Variants in CCDC90B observed in about 807,000 individuals in gnomAD.
The protein encoded by CCDC90B is coiled-coil domain-containing protein 90B, mitochondrial.
Under a neutral mutation model 37.0 loss-of-function variants are expected in CCDC90B, and 24 were observed. The ratio of observed to expected loss-of-function variants is 0.65; its 90% confidence interval spans 0.47 to 0.91. The LOEUF is 0.91. CCDC90B is among the 40% of genes least tolerant of loss of function. The pLI, the probability that CCDC90B is intolerant of heterozygous loss-of-function variation, is 0.00. For synonymous variants in CCDC90B, 113 were observed against 101.1 expected (o/e 1.12, Z -0.71); for missense variants, 319 against 299.0 (o/e 1.07, Z -0.49).
At chr11:83,281,019 T>G (rs964005828) in intron 1 of CCDC90B, among the ~76,000 whole-genome samples, 1 of 152,216 alleles carries the variant, frequency 6.6e-6, no homozygotes, top group Admixed American at 6.5e-5. Flanking sequence ...CTAGACACAG[T>G]AAAGACCTTT....
At chr11:83,274,839 T>G in intron 3 of CCDC90B, 99 bp from the exon 4 acceptor site, 1 of 722,714 alleles carries the variant, frequency 1.4e-6, no homozygotes, top group Non-Finnish European at 2.3e-6. Flanking sequence ...GTTAACATGC[T>G]ACAAGGTATA....
At position 83,259,369 on chromosome 11, in the gene CCDC90B, TA is replaced by T. The variant is rs1169251836; in HGVS notation, c.*2541del. 1 of 152,200 alleles carries T rather than the reference TA, an allele frequency of 6.6e-6. No individual in the cohort carries two copies. Among genetic ancestry groups the T allele is most frequent in the Non-Finnish European group, 1.5e-5 (1 of 68,034 alleles). The allele number at this position is 152,200 out of a possible 1,614,324, so 9.4% of individuals were successfully genotyped here. Reference sequence around the variant, plus strand: ...AGTTTCATGGAAAGGATATAGGATCTAAAAGTAATGGGGACAGGGTATGGTA... The same window carrying T: ...AGTTTCATGGAAAGGATATAGGATCTAAAGTAATGGGGACAGGGTATGGTA... On this transcript the variant is annotated 3_prime_UTR_variant, in exon 9 of 9. Transcript: ENST00000529689.
At position 83,260,135 on chromosome 11, in the gene CCDC90B, G is replaced by A. The variant is rs1462490038; in HGVS notation, c.*1776C>T. Reference sequence around the variant, plus strand: ...GAGTGACGACAGTGTTATGCTACTGGAGCTTCCTTCACATGGAGGAAAGAC... The same window carrying A: ...GAGTGACGACAGTGTTATGCTACTGAAGCTTCCTTCACATGGAGGAAAGAC... On this transcript the variant is annotated 3_prime_UTR_variant, in exon 9 of 9. Coordinates refer to ENST00000529689, the MANE Select transcript of CCDC90B (RefSeq NM_021825.5). 1 of 152,162 alleles carries A rather than the reference G, an allele frequency of 6.6e-6. No homozygotes were observed. Among genetic ancestry groups the A allele is most frequent in the Admixed American group, 6.5e-5 (1 of 15,270 alleles). The allele number at this position is 152,162 out of a possible 1,614,324, so 9.4% of individuals were successfully genotyped here.
At chr11:83,274,111 T>C in intron 4 of CCDC90B, 119 bp from the exon 5 acceptor site, 1 of 628,584 alleles carries the variant, frequency 1.6e-6, no homozygotes, top group Non-Finnish European at 2.3e-6. Context: ...AATACAGAAT[T>C]GATAAGGAAA....
Position 83,260,637 on chromosome 11 carries a change from T to G in CCDC90B, c.*1274A>C, listed in dbSNP as rs1863886807. On this transcript the variant is annotated 3_prime_UTR_variant, in exon 9 of 9. Transcript: ENST00000529689. ...AGCTAAACAAATGACAAGGCTATTT[T>G]GAATAATGATTGTCAAACTTTTATA... 1 of 152,240 alleles carries G rather than the reference T, an allele frequency of 6.6e-6. No individual in the cohort carries two copies. Among genetic ancestry groups the G allele is most frequent in the South Asian group, 2.1e-4 (1 of 4,832 alleles). 9.4% of individuals were successfully genotyped at this position (152,240 alleles called of 1,614,324 possible).
chr11:83,274,116 A>G, intron 4 of CCDC90B, 124 bp from the exon 5 acceptor site: 1 of 594,816 alleles, frequency 1.7e-6, no homozygotes, highest in Non-Finnish European at 2.5e-6. Context: ...AGAATTGATA[A>G]GGAAAAAAAT....
chr11:83,264,965 G>C (rs561295201), intron 8 of CCDC90B, among the ~76,000 whole-genome samples: 236 of 114,882 alleles, frequency 2.1e-3, no homozygotes, highest in African/African-American at 7.5e-3. Flanking sequence ...TTGTGGGGTG[G>C]GGGGAGGGGG....
chr11:83,276,321 G>T (rs769480754), intron 3 of CCDC90B, among the ~76,000 whole-genome samples: 6 of 152,144 alleles, frequency 3.9e-5, no homozygotes, highest in Non-Finnish European at 8.8e-5. Context: ...CAGACTTCTT[G>T]TGGTGTCTGA....
intron 7 of CCDC90B, chr11:83,273,143 A>G (rs1247258386): frequency 6.6e-6 from 1 of 152,178 alleles, no homozygotes; most frequent in Non-Finnish European, 1.5e-5. Context: ...ATTAATATAT[A>G]GCTTTTTTAA....
At chr11:83,263,191 GCTAT>G (rs1312522545) in intron 8 of CCDC90B, among the ~76,000 whole-genome samples, 6 of 152,248 alleles carry the variant, frequency 3.9e-5, no homozygotes, top group Non-Finnish European at 7.4e-5. Flanking sequence ...GTCACATAGT[GCTAT>G]CTAAGTGGTT....
intron 2 of CCDC90B, among the ~76,000 whole-genome samples, chr11:83,279,561 GTTC>G (rs1305931525): frequency 6.6e-5 from 10 of 151,988 alleles, no homozygotes; most frequent in Admixed American, 5.9e-4. Flanking sequence ...AAAACTGCTT[GTTC>G]TTCTTTTACA....
Position 83,286,187 on chromosome 11 carries a change from C to T in CCDC90B, c.-215G>A. The stretch of plus-strand genomic sequence containing the variant: ...TTCGCGAGCATGGCTCAGCGCTGCC[C>T]CGCTTCTCCCAGCGCCCCTTCCCGA... On this transcript the variant is annotated 5_prime_UTR_variant, in exon 1 of 9. Transcript: ENST00000529689. 6.5e-7 allele frequency: 1 copy of T among 1,534,232 alleles called. No homozygotes were observed. Among genetic ancestry groups the T allele is most frequent in the Non-Finnish European group, 8.7e-7 (1 of 1,145,454 alleles).
chr11:83,266,723 CCTGT>C (rs1468974608), intron 7 of CCDC90B: 1 of 152,060 alleles, frequency 6.6e-6, no homozygotes, highest in African/African-American at 2.4e-5. Flanking sequence ...CTTAAATGTC[CCTGT>C]CTGACAGCTG....
rs559095768 is a variant in CCDC90B at position 83,259,266 on chromosome 11, A to G, written c.*2645T>C. The G allele has an allele frequency of 2.6e-4, 40 of 152,300 alleles. No homozygotes were observed. In the East Asian group the frequency reaches 6.6e-3, roughly 25 times the overall value. 9.4% of individuals were successfully genotyped at this position (152,300 alleles called of 1,614,324 possible). ...TAGTTTTAAGGCATATAGAAACACA[A>G]TCCTCTCATCCTTATTTCATATATT... On this transcript the variant is annotated 3_prime_UTR_variant, in exon 9 of 9. Coordinates refer to ENST00000529689, the MANE Select transcript of CCDC90B (RefSeq NM_021825.5).
intron 1 of CCDC90B, chr11:83,285,573 G>A: frequency 2.4e-6 from 3 of 1,256,218 alleles, no homozygotes; most frequent in Non-Finnish European, 3.0e-6. Flanking sequence ...CTCCTGACGA[G>A]ATTACTAGCC....
At chr11:83,269,499 T>G (rs759918033) in intron 7 of CCDC90B, among the ~76,000 whole-genome samples, 2 of 151,862 alleles carry the variant, frequency 1.3e-5, no homozygotes, top group African/African-American at 4.8e-5. Flanking sequence ...CCCACAGATA[T>G]AGACTACCAT....
chr11:83,269,157 A>T (rs192767330), intron 7 of CCDC90B, among the ~76,000 whole-genome samples: 1 of 152,202 alleles, frequency 6.6e-6, no homozygotes, highest in Non-Finnish European at 1.5e-5. Context: ...CCACAAGAGA[A>T]AGCAGGAAAG....
chr11:83,274,505 TG>T (rs1864901282), intron 4 of CCDC90B, 133 bp downstream of exon 4: 2 of 533,182 alleles, frequency 3.8e-6, no homozygotes, highest in Non-Finnish European at 6.6e-6. Flanking sequence ...ACAAATAGTA[TG>T]TTTTTAAATC....
chr11:83,277,470 G>C (rs1477550899), intron 3 of CCDC90B, among the ~76,000 whole-genome samples: 2 of 151,906 alleles, frequency 1.3e-5, no homozygotes, highest in African/African-American at 4.8e-5. Flanking sequence ...TATAATTGGA[G>C]ATTACAGTTT....
Sources: gnomAD v4.1 joint callset for allele counts (sites outside exome capture counted in the v4.1 genomes callset) on GRCh38, gnomAD v4.1.1 for gene constraint, MANE v1.5 for transcripts, NCBI Gene and HGNC (gene_info 2026-07-23, HGNC 2026-07-21) for gene names.